Variants in PAX3 observed in about 807,000 individuals in gnomAD.
PAX3 encodes the protein paired box protein Pax-3.
A neutral mutation model predicts 51.6 loss-of-function variants in PAX3; 14 were observed. The ratio of observed to expected loss-of-function variants is 0.27; its 90% confidence interval spans 0.18 to 0.42. The LOEUF is 0.42. PAX3 is among the 10% of genes least tolerant of loss of function. The pLI is 1.00. For missense variants in PAX3, 540 were observed against 642.8 expected (o/e 0.84, Z 1.73); for synonymous variants, 280 against 253.4 (o/e 1.11, Z -1.00).
At chr2:222,265,114 A>G (rs928088755) in intron 4 of PAX3, 3 of 152,116 alleles carry the variant, frequency 2.0e-5, no homozygotes, top group African/African-American at 7.2e-5. Flanking sequence ...CTTCCCCTCC[A>G]GGCTATAGGT....
At chr2:222,278,230 T>G (rs112596649) in intron 4 of PAX3, among the ~76,000 whole-genome samples, 3 of 152,272 alleles carry the variant, frequency 2.0e-5, no homozygotes, top group African/African-American at 7.2e-5. Context: ...GTCTGAAGAC[T>G]GAGAGTCTAG....
intron 5 of PAX3, among the ~76,000 whole-genome samples, chr2:222,222,831 C>G (rs753940060): frequency 6.6e-6 from 1 of 152,130 alleles, no homozygotes; most frequent in Admixed American, 6.5e-5. Flanking sequence ...TAATTGCTCG[C>G]TAGAGGTAGA....
At chr2:222,284,392 G>C (rs1694752857) in intron 4 of PAX3, among the ~76,000 whole-genome samples, 1 of 152,178 alleles carries the variant, frequency 6.6e-6, no homozygotes, top group Non-Finnish European at 1.5e-5. Context: ...TTGAGTTGGA[G>C]TTTCAAAAAA....
At chr2:222,219,684 T>C (rs1692107630) in intron 7 of PAX3, among the ~76,000 whole-genome samples, 1 of 152,208 alleles carries the variant, frequency 6.6e-6, no homozygotes, top group South Asian at 2.1e-4. Flanking sequence ...TCTCTGATTG[T>C]TTTGTCAAAG....
chr2:222,205,904 G>C (rs1212809576), intron 7 of PAX3, among the ~76,000 whole-genome samples: 1 of 152,048 alleles, frequency 6.6e-6, no homozygotes, highest in Non-Finnish European at 1.5e-5. Flanking sequence ...CAAAGAAGTT[G>C]GTAAATGAAC....
In PAX3 at chr2:222,252,542, G is replaced by A. The variant is rs185852214; in HGVS notation, c.587-20259C>T. On this transcript the variant is annotated intron_variant, in intron 4 of 8. Transcript: ENST00000392070. ...GTGACAAACTTCATCCCCACATTCCGTTACCACCAAAGCCCATCATCACTA... is the reference window on the plus strand; with the variant it reads ...GTGACAAACTTCATCCCCACATTCCATTACCACCAAAGCCCATCATCACTA... Among the ~76,000 whole-genome samples, 15 of 152,094 alleles carry A rather than the reference G, an allele frequency of 9.9e-5. No individual in the cohort carries two copies. The East Asian group carries it at 1.7e-3, about 18-fold the overall frequency.
intron 7 of PAX3, among the ~76,000 whole-genome samples, chr2:222,209,137 C>T (rs1691621895): frequency 6.6e-6 from 1 of 152,166 alleles, no homozygotes; most frequent in Admixed American, 6.6e-5. Flanking sequence ...ACCTACCACT[C>T]TAACAACATG....
chr2:222,242,993 A>T (rs1313860546), intron 4 of PAX3, among the ~76,000 whole-genome samples: 1 of 152,184 alleles, frequency 6.6e-6, no homozygotes, highest in African/African-American at 2.4e-5. Context: ...TAAAGGAGAT[A>T]ACAAGTTAGT....
chr2:222,297,174 C>T lies in PAX3; in HGVS notation c.125G>A (p.Gly42Asp). Residue 42 changes from glycine (G) to aspartate (D), a missense_variant, in exon 2 of 9, where the codon GGC (glycine) becomes GAC (aspartate). Physicochemically the swap from Gly to Asp is moderately conservative, Grantham distance 94. Coordinates refer to ENST00000392070, the MANE Select transcript of PAX3 (RefSeq NM_181458.4). ...PLGQGRVNQL[G>D]GVFINGRPLP... ...CGGCCTGCCGTTGATAAAAACACCG[C>T]CGAGCTGGTTGACGCGGCCCTGGCC... The T allele has an allele frequency of 6.3e-7, 1 of 1,597,986 alleles. No homozygotes were observed. Among genetic ancestry groups the T allele is most frequent in the Non-Finnish European group, 8.5e-7 (1 of 1,172,532 alleles).
At chr2:222,215,677 T>C (rs1351835101) in intron 7 of PAX3, among the ~76,000 whole-genome samples, 1 of 152,100 alleles carries the variant, frequency 6.6e-6, no homozygotes, top group African/African-American at 2.4e-5. Context: ...TAGTACTTCC[T>C]CGGTACTCCA....
chr2:222,201,654 G>A, intron 8 of PAX3: 1 of 1,364,612 alleles, frequency 7.3e-7, no homozygotes, highest in African/African-American at 1.5e-5. Flanking sequence ...AAGAACATGT[G>A]TTTCTAATGT....
chr2:222,298,832 G>C lies in PAX3; in HGVS notation c.-217C>G. 1.7e-6 allele frequency: 1 copy of C among 604,004 alleles called. No homozygotes were observed. Among genetic ancestry groups the C allele is most frequent in the Non-Finnish European group, 3.0e-6 (1 of 337,620 alleles). The allele number at this position is 604,004 out of a possible 1,614,324, so 37.4% of individuals were successfully genotyped here. A position where few individuals can be genotyped will look rare whatever the true frequency, so the allele number is the denominator to read the frequency against. On this transcript the variant is annotated 5_prime_UTR_variant, in exon 1 of 9. Coordinates refer to ENST00000392070, the MANE Select transcript of PAX3 (RefSeq NM_181458.4). ...AAGGGGAGGACGGGGAGGCCCCGGA[G>C]TCCAGGATCCCGAGCCCAGGGCGGA... is the stretch of plus-strand genomic sequence containing the variant.
At chr2:222,239,339 C>CAG (rs1692918969) in intron 4 of PAX3, among the ~76,000 whole-genome samples, 1 of 137,226 alleles carries the variant, frequency 7.3e-6, no homozygotes, top group African/African-American at 2.6e-5. Flanking sequence ...GTTTTTTTTT[C>CAG]AGAGAGAGAA....
intron 4 of PAX3, among the ~76,000 whole-genome samples, chr2:222,235,691 C>G (rs1474549970): frequency 6.7e-6 from 1 of 150,352 alleles, no homozygotes; most frequent in Non-Finnish European, 1.5e-5. Flanking sequence ...ACAGAAACTT[C>G]CAGTGGAGGA....
At chr2:222,238,852 G>T (rs745643357) in intron 4 of PAX3, among the ~76,000 whole-genome samples, 41 of 152,310 alleles carry the variant, frequency 2.7e-4, no homozygotes, top group Admixed American at 1.1e-3. Flanking sequence ...GTATATTCCA[G>T]AAGGTCTTTA....
chr2:222,227,594 C>T (rs993260707), intron 5 of PAX3, among the ~76,000 whole-genome samples: 12 of 151,792 alleles, frequency 7.9e-5, no homozygotes, highest in Admixed American at 1.3e-4. Flanking sequence ...AGAGTGAGAC[C>T]CTGTCTCAAA....
intron 4 of PAX3, among the ~76,000 whole-genome samples, chr2:222,278,419 C>T (rs1281609852): frequency 6.6e-6 from 1 of 152,212 alleles, no homozygotes; most frequent in Non-Finnish European, 1.5e-5. Flanking sequence ...AAGAGCTCAG[C>T]CCAGACTTCT....
intron 4 of PAX3, among the ~76,000 whole-genome samples, chr2:222,281,042 G>A (rs1264022782): frequency 6.6e-6 from 1 of 152,186 alleles, no homozygotes; most frequent in Non-Finnish European, 1.5e-5. Context: ...TCTGATAAAT[G>A]TGTGTCATGT....
chr2:222,204,881 TTGA>T (rs1264310485), intron 7 of PAX3, among the ~76,000 whole-genome samples: 1 of 152,200 alleles, frequency 6.6e-6, no homozygotes, highest in Non-Finnish European at 1.5e-5. Flanking sequence ...ACAGTTATAC[TTGA>T]TGAGCTCAGA....
Sources: gnomAD v4.1 joint callset for allele counts (sites outside exome capture counted in the v4.1 genomes callset) on GRCh38, gnomAD v4.1.1 for gene constraint, MANE v1.5 for transcripts, NCBI Gene and HGNC (gene_info 2026-07-23, HGNC 2026-07-21) for gene names.